CIBAR1: variants seen among roughly 807,000 people sequenced by gnomAD.
CIBAR1 encodes the protein CBY1-interacting BAR domain-containing protein 1.
CIBAR1 carries 25 observed loss-of-function variants against 44.0 expected under a neutral mutation model. The ratio of observed to expected loss-of-function variants is 0.57; its 90% confidence interval spans 0.41 to 0.79. The LOEUF is 0.79. Ranked by LOEUF, CIBAR1 falls within the 30% of genes least tolerant of loss-of-function variation. CIBAR1 has a pLI of 0.00. For missense variants in CIBAR1, 278 were observed against 344.8 expected (o/e 0.81, Z 1.53); for synonymous variants, 115 against 119.0 (o/e 0.97, Z 0.22).
At position 93,700,581 on chromosome 8, in the gene CIBAR1, G is replaced by T; in HGVS notation, c.-67G>T. ...CCGGCGGCTGCTTGCGCCCCAGCGC[G>T]CGCCCAGGCGCCTTGGAATCCCCGT... On this transcript the variant is annotated 5_prime_UTR_variant, in exon 1 of 9. Coordinates refer to ENST00000518322, the MANE Select transcript of CIBAR1 (RefSeq NM_145269.5). The T allele has an allele frequency of 1.4e-6, 2 of 1,417,556 alleles. No homozygotes were observed. The highest frequency in any genetic ancestry group is 2.9e-5 in the South Asian group (2 of 68,192). 87.8% of individuals were successfully genotyped at this position (1,417,556 alleles called of 1,614,324 possible). A position where few individuals can be genotyped will look rare whatever the true frequency, so the allele number is the denominator to read the frequency against.
intron 6 of CIBAR1, among the ~76,000 whole-genome samples, chr8:93,711,654 T>C (rs1035897351): frequency 6.6e-6 from 1 of 152,166 alleles, no homozygotes; most frequent in Non-Finnish European, 1.5e-5. Flanking sequence ...ACCTGAAAAA[T>C]GGGAATGGAG....
At chr8:93,716,539 A>G (rs1171917435) in intron 6 of CIBAR1, among the ~76,000 whole-genome samples, 1 of 152,060 alleles carries the variant, frequency 6.6e-6, no homozygotes. Context: ...TTTCTTACTA[A>G]TTTCTAAAAA....
chr8:93,731,249 A>C lies in CIBAR1; in HGVS notation c.*2952A>C, dbSNP rs149432604. ...CCACCTCAGCCCAGTTTGAAATGCA[A>C]TTCCACAGTAAGTAATCCCTCACGT... On this transcript the variant is annotated 3_prime_UTR_variant, in exon 9 of 9. Transcript: ENST00000518322. 1.3e-5 allele frequency: 2 copies of C among 152,222 alleles called. No individual in the cohort carries two copies. Among genetic ancestry groups the C allele is most frequent in the African/African-American group, 4.8e-5 (2 of 41,446 alleles). The allele number at this position is 152,222 out of a possible 1,614,324, so 9.4% of individuals were successfully genotyped here.
chr8:93,726,941 A>C (rs1811538884), intron 8 of CIBAR1, among the ~76,000 whole-genome samples: 1 of 152,188 alleles, frequency 6.6e-6, no homozygotes, highest in South Asian at 2.1e-4. Context: ...TTTTTTCTAT[A>C]TCCAGAAAGC....
chr8:93,703,660 CT>C lies in CIBAR1; in HGVS notation c.304del (p.Tyr102MetfsTer5). On this transcript the variant is annotated frameshift_variant, in exon 3 of 9. Transcript: ENST00000518322. LOFTEE classifies it high-confidence loss of function. ...LEAKVVEPLK[T>X]YGTIVKMKRD... ...GCCAAAGTAGTTGAACCCTTGAAAA[CT>C]TATGGGACCATTGTGAAAATGAAAC... The C allele has an allele frequency of 1.3e-6, 2 of 1,552,674 alleles. No homozygotes were observed. Among genetic ancestry groups the C allele is most frequent in the Non-Finnish European group, 1.7e-6 (2 of 1,147,852 alleles).
rs975081918 is a variant in CIBAR1 at position 93,700,593 on chromosome 8, C to T, written c.-55C>T. ...TGCGCCCCAGCGCGCGCCCAGGCGC[C>T]TTGGAATCCCCGTCCTTGGGCCCCC... On this transcript the variant is annotated 5_prime_UTR_variant, in exon 1 of 9. Transcript: ENST00000518322. 1.4e-6 allele frequency: 2 copies of T among 1,458,914 alleles called. No homozygotes were observed. Among genetic ancestry groups the T allele is most frequent in the Non-Finnish European group, 1.8e-6 (2 of 1,104,210 alleles). The allele number at this position is 1,458,914 out of a possible 1,614,324, so 90.4% of individuals were successfully genotyped here.
At chr8:93,715,732 T>A (rs1162100965) in intron 6 of CIBAR1, 1 of 152,232 alleles carries the variant, frequency 6.6e-6, no homozygotes, top group African/African-American at 2.4e-5. Context: ...AAGAAACAGA[T>A]CCATATCATT....
rs768758812 is a variant in CIBAR1, at chr8:93,701,269, G to A, written c.72G>A (p.Glu24=). The A allele has an allele frequency of 5.0e-6, 8 of 1,613,612 alleles. No individual in the cohort carries two copies. The Admixed American group carries it at 6.7e-5, about 13-fold the overall frequency. Residue 24 remains glutamate, a synonymous_variant, in exon 2 of 9, where the codon GAG becomes GAA. Coordinates refer to ENST00000518322, the MANE Select transcript of CIBAR1 (RefSeq NM_145269.5). ...KQLQTAVSNV[E]KHFGELCQIF... is the part of the protein sequence containing the mutation. Reference sequence around the variant, plus strand: ...TGCAAACAGCTGTCTCAAATGTGGAGAAGCATTTTGGAGAACTGTGCCAAA... The same window carrying A: ...TGCAAACAGCTGTCTCAAATGTGGAAAAGCATTTTGGAGAACTGTGCCAAA...
At position 93,728,581 on chromosome 8, in the gene CIBAR1, G is replaced by C; in HGVS notation, c.*284G>C. 4.6e-6 allele frequency: 1 copy of C among 219,286 alleles called. No individual in the cohort carries two copies. Among genetic ancestry groups the C allele is most frequent in the Non-Finnish European group, 8.9e-6 (1 of 112,504 alleles). The allele number at this position is 219,286 out of a possible 1,614,324, so 13.6% of individuals were successfully genotyped here. A position where few individuals can be genotyped will look rare whatever the true frequency, so the allele number is the denominator to read the frequency against. ...TCATATTAATGTACTATATCTACTT[G>C]AAGTTCCAATAGTACATTATGACAG... On this transcript the variant is annotated 3_prime_UTR_variant, in exon 9 of 9. Coordinates refer to ENST00000518322, the MANE Select transcript of CIBAR1 (RefSeq NM_145269.5).
intron 6 of CIBAR1, among the ~76,000 whole-genome samples, chr8:93,711,032 G>A (rs888793748): frequency 3.3e-5 from 5 of 152,080 alleles, no homozygotes; most frequent in Non-Finnish European, 5.9e-5. Flanking sequence ...AGCCAACCAC[G>A]TAAATTTGCA....
intron 7 of CIBAR1, chr8:93,720,210 C>T (rs1171581227): frequency 6.6e-6 from 1 of 152,040 alleles, no homozygotes; most frequent in Non-Finnish European, 1.5e-5. Flanking sequence ...TCTCAAACTC[C>T]CGACCTCATA....
At chr8:93,725,538 GT>G (rs1186030642) in intron 7 of CIBAR1, among the ~76,000 whole-genome samples, 4 of 151,826 alleles carry the variant, frequency 2.6e-5, no homozygotes, top group Admixed American at 6.6e-5. Flanking sequence ...AAAGAAATTT[GT>G]TTAAAAAGAA....
intron 7 of CIBAR1, among the ~76,000 whole-genome samples, chr8:93,723,285 G>C (rs759587725): frequency 5.9e-5 from 9 of 152,170 alleles, no homozygotes; most frequent in Non-Finnish European, 7.3e-5. Context: ...CGTGAGCCAC[G>C]GTGCCCGGCC....
In CIBAR1 at chr8:93,718,763, A is replaced by C; in HGVS notation, c.632A>C (p.Asn211Thr). ...ACTGCTGCCTACCAGAATATACAAA[A>C]CATTGATGAAGATGAAGATTTAGAG... Reference protein sequence around the residue: ...VYTAAYQNIQNIDEDEDLEVF... With the variant: ...VYTAAYQNIQTIDEDEDLEVF... The change falls in exon 7 of 9, where the codon AAC (asparagine) becomes ACC (threonine). Residue 211 changes from asparagine (N) to threonine (T), a missense_variant. Coordinates refer to ENST00000518322, the MANE Select transcript of CIBAR1 (RefSeq NM_145269.5). 6.4e-7 allele frequency: 1 copy of C among 1,560,226 alleles called. No homozygotes were observed. Among genetic ancestry groups the C allele is most frequent in the Non-Finnish European group, 8.7e-7 (1 of 1,149,364 alleles).
chr8:93,704,354 A>G (rs1219506250), intron 3 of CIBAR1, among the ~76,000 whole-genome samples: 1 of 152,224 alleles, frequency 6.6e-6, no homozygotes, highest in African/African-American at 2.4e-5. Context: ...TTACATCAGC[A>G]GTCCCCAACC....
chr8:93,726,888 A>G (rs1262481757), intron 8 of CIBAR1, among the ~76,000 whole-genome samples: 2 of 152,250 alleles, frequency 1.3e-5, no homozygotes, highest in African/African-American at 4.8e-5. Context: ...ATACCAAATT[A>G]TACTAAAAAA....
chr8:93,727,025 T>C (rs1811544574), intron 8 of CIBAR1: 1 of 475,274 alleles, frequency 2.1e-6, no homozygotes, highest in Middle Eastern at 3.2e-4. Context: ...ATTCTTAGGC[T>C]TTGTGGGCCA....
chr8:93,704,984 C>A lies in CIBAR1; in HGVS notation c.406C>A (p.Arg136=). 1 of 1,612,270 alleles carries A rather than the reference C, an allele frequency of 6.2e-7. No individual in the cohort carries two copies. The highest frequency in any genetic ancestry group is 8.5e-7 in the Non-Finnish European group (1 of 1,178,884). Residue 136 remains arginine, a synonymous_variant, in exon 4 of 9, where the codon CGA becomes AGA. Transcript: ENST00000518322. ...AACTCAGTTAGAAAGAACACGTCAG[C>A]GAAACCCATCTGATCGACATGTTAT... is the stretch of plus-strand genomic sequence containing the variant. ...QLTQLERTRQ[R]NPSDRHVISQ... is the part of the protein sequence containing the mutation.
intron 6 of CIBAR1, among the ~76,000 whole-genome samples, chr8:93,714,893 AC>A (rs1356803102): frequency 6.6e-6 from 1 of 152,224 alleles, no homozygotes; most frequent in Non-Finnish European, 1.5e-5. Flanking sequence ...GATTATTGAT[AC>A]CACTCTTAAT....
Sources: allele counts gnomAD v4.1 joint callset (sites outside exome capture counted in the v4.1 genomes callset), GRCh38; gene constraint gnomAD v4.1.1; transcripts MANE v1.5; gene names NCBI Gene and HGNC (gene_info 2026-07-23, HGNC 2026-07-21).